CCDC192: variants seen among roughly 807,000 people sequenced by gnomAD.
CCDC192 encodes coiled-coil domain containing 192.
chr5:127,706,525 G>GAAAAAAAAAAAAAAAA (rs1224118510), intron 1 of CCDC192, among the ~76,000 whole-genome samples: 2 of 60,274 alleles, frequency 3.3e-5, no homozygotes, highest in African/African-American at 6.9e-5. Flanking sequence ...CTCCATCTCA[G>GAAAAAAAAAAAAAAAA]AAAAAAAAAA....
chr5:127,786,828 T>G (rs879114859), intron 3 of CCDC192: 1 of 527,776 alleles, frequency 1.9e-6, no homozygotes, highest in Non-Finnish European at 3.6e-6. Context: ...TGTCTGCCCC[T>G]TTTTTGATGT....
intron 1 of CCDC192, among the ~76,000 whole-genome samples, chr5:127,703,989 C>G (rs981580005): frequency 1.3e-5 from 2 of 152,218 alleles, no homozygotes; most frequent in Non-Finnish European, 2.9e-5. Flanking sequence ...TCTAATTGAT[C>G]TGCATTTAAT....
In CCDC192 at chr5:127,763,513, C is replaced by T. The variant is rs114097830; in HGVS notation, c.222+9138C>T. Among the ~76,000 whole-genome samples the T allele has an allele frequency of 5.3e-3, 800 of 152,304 alleles. 10 individuals are homozygous for T. The highest frequency in any genetic ancestry group is 6.4e-3 in the South Asian group (31 of 4,824). ...CTTGTTTAATGACTCCTCAACACTA[C>T]ACCAGAATGAAGGTTCTATAACAAA... On this transcript the variant is annotated intron_variant, in intron 3 of 6. Coordinates refer to ENST00000514853, the MANE Select transcript of CCDC192 (RefSeq NM_001317938.2).
chr5:127,920,370 A>G (rs1053189105), intron 6 of CCDC192, among the ~76,000 whole-genome samples: 4 of 151,096 alleles, frequency 2.6e-5, no homozygotes, highest in Admixed American at 6.6e-5. Flanking sequence ...ATCATCAATC[A>G]TCATAATTTC....
chr5:127,742,966 T>C (rs2126844413), intron 2 of CCDC192, among the ~76,000 whole-genome samples: 1 of 152,246 alleles, frequency 6.6e-6, no homozygotes, highest in African/African-American at 2.4e-5. Flanking sequence ...TGAGGTTTTT[T>C]TGTTTCCTCC....
At chr5:127,755,680 C>CAA (rs35162424) in intron 3 of CCDC192, among the ~76,000 whole-genome samples, 109 of 113,486 alleles carry the variant, frequency 9.6e-4, no homozygotes, top group South Asian at 8.4e-3. Flanking sequence ...CATTTCAAAG[C>CAA]AAAAAAAAAA....
At chr5:127,769,360 G>T (rs1395394900) in intron 3 of CCDC192, among the ~76,000 whole-genome samples, 1 of 152,076 alleles carries the variant, frequency 6.6e-6, no homozygotes, top group Non-Finnish European at 1.5e-5. Context: ...ATTCTGATTT[G>T]CCTGGTATAC....
At chr5:127,706,313 G>C (rs1315291238) in intron 1 of CCDC192, among the ~76,000 whole-genome samples, 1 of 152,082 alleles carries the variant, frequency 6.6e-6, no homozygotes, top group African/African-American at 2.4e-5. Flanking sequence ...TGGATCATGA[G>C]GTTAAGAGAT....
chr5:127,877,093 C>T (rs192927237), intron 6 of CCDC192, among the ~76,000 whole-genome samples: 2 of 152,306 alleles, frequency 1.3e-5, no homozygotes, highest in African/African-American at 2.4e-5. Context: ...TTCCCCAGCT[C>T]GCTTACGAGA....
chr5:127,899,936 A>G (rs1305231444), intron 6 of CCDC192, among the ~76,000 whole-genome samples: 1 of 152,196 alleles, frequency 6.6e-6, no homozygotes, highest in Non-Finnish European at 1.5e-5. Context: ...ACGCTTAACT[A>G]ATACCTTCAG....
At chr5:127,926,094 C>T (rs1209897700) in intron 6 of CCDC192, among the ~76,000 whole-genome samples, 3 of 152,234 alleles carry the variant, frequency 2.0e-5, no homozygotes, top group African/African-American at 7.2e-5. Context: ...GGATTGGTTA[C>T]AGCTCCGCCT....
At chr5:127,869,486 C>T (rs1433896578) in intron 5 of CCDC192, among the ~76,000 whole-genome samples, 1 of 152,130 alleles carries the variant, frequency 6.6e-6, no homozygotes, top group Non-Finnish European at 1.5e-5. Context: ...TATTTTAGGG[C>T]AAAACATTCC....
At chr5:127,792,123 G>A (rs1435293212) in intron 3 of CCDC192, among the ~76,000 whole-genome samples, 1 of 151,946 alleles carries the variant, frequency 6.6e-6, no homozygotes, top group Non-Finnish European at 1.5e-5. Context: ...ACAAGCCTGG[G>A]CAAAAAAGTG....
chr5:127,939,687 G>GT (rs34470118), intron 6 of CCDC192, among the ~76,000 whole-genome samples: 3,804 of 144,810 alleles, frequency 0.026, 60 homozygotes, highest in Admixed American at 0.039. Context: ...TTATTTTTAT[G>GT]TTTTTTTTTT....
At chr5:127,717,497 AT>A (rs375249230) in intron 2 of CCDC192, among the ~76,000 whole-genome samples, 27 of 149,678 alleles carry the variant, frequency 1.8e-4, no homozygotes, top group East Asian at 5.9e-4. Context: ...TGTAATTGGG[AT>A]TTTTTTTTTG....
At chr5:127,901,378 C>G (rs976391304) in intron 6 of CCDC192, among the ~76,000 whole-genome samples, 14 of 152,016 alleles carry the variant, frequency 9.2e-5, no homozygotes, top group Non-Finnish European at 1.9e-4. Flanking sequence ...TATTACCAAA[C>G]CTCTTTTTCA....
In CCDC192 at chr5:127,823,818, G is replaced by T. The variant is rs550503492; in HGVS notation, c.411+25656G>T. ...TGTTTCAGAAGTGTTATTAAAATTG[G>T]TGAAAGGCTTTCTGTTCCAACTGTG... On this transcript the variant is annotated intron_variant, in intron 5 of 6. Transcript: ENST00000514853. 2.0e-5 allele frequency among the ~76,000 whole-genome samples: 3 copies of T among 152,250 alleles called. No individual in the cohort carries two copies. The South Asian group carries it at 6.2e-4, about 32-fold the overall frequency.
intron 5 of CCDC192, among the ~76,000 whole-genome samples, chr5:127,854,343 G>A (rs539068601): frequency 1.3e-5 from 2 of 151,968 alleles, no homozygotes; most frequent in Admixed American, 6.6e-5. Flanking sequence ...CCTTATTTAC[G>A]GTTGCGCCTT....
intron 3 of CCDC192, among the ~76,000 whole-genome samples, chr5:127,795,289 C>CAAAAA (rs762627670): frequency 1.0e-4 from 8 of 76,562 alleles, no homozygotes; most frequent in Non-Finnish European, 1.8e-4. Context: ...GACTCTATCT[C>CAAAAA]AAAAAAAAAA....
Sources: allele counts gnomAD v4.1 joint callset (sites outside exome capture counted in the v4.1 genomes callset), GRCh38; gene constraint gnomAD v4.1.1; transcripts MANE v1.5; gene names NCBI Gene and HGNC (gene_info 2026-07-23, HGNC 2026-07-21).